The following CHST11 variants were observed in gnomAD, a reference collection of about 807,000 sequenced individuals.
CHST11 encodes carbohydrate sulfotransferase 11.
Under a neutral mutation model 30.4 loss-of-function variants are expected in CHST11, and 9 were observed. The observed-to-expected ratio is 0.30, with a 90% confidence interval of 0.18 to 0.52. The LOEUF (loss-of-function observed/expected upper bound fraction) is 0.52, where lower values mean the gene tolerates loss of function less well. CHST11 is among the 20% of genes least tolerant of loss of function. The pLI, the probability that CHST11 is intolerant of heterozygous loss-of-function variation, is 0.97. For synonymous variants in CHST11, 152 were observed against 187.8 expected (o/e 0.81, Z 1.56); for missense variants, 348 against 460.6 (o/e 0.76, Z 2.24).
intron 2 of CHST11, among the ~76,000 whole-genome samples, chr12:104,622,386 T>C (rs1428139086): frequency 6.6e-6 from 1 of 152,232 alleles, no homozygotes; most frequent in Non-Finnish European, 1.5e-5. Context: ...AATGGTGTTA[T>C]ATTTGTCAAG....
intron 2 of CHST11, among the ~76,000 whole-genome samples, chr12:104,630,686 G>A (rs922555100): frequency 6.6e-5 from 10 of 152,230 alleles, no homozygotes; most frequent in Non-Finnish European, 1.3e-4. Context: ...TTGGATCTAC[G>A]TGGGTGCACG....
At chr12:104,710,625 C>T (rs751473046) in intron 2 of CHST11, among the ~76,000 whole-genome samples, 6 of 152,216 alleles carry the variant, frequency 3.9e-5, no homozygotes, top group Non-Finnish European at 7.3e-5. Flanking sequence ...GGGCCAGCTG[C>T]ACTCCAGCTT....
chr12:104,734,173 C>G (rs2040279994), intron 2 of CHST11, among the ~76,000 whole-genome samples: 1 of 152,212 alleles, frequency 6.6e-6, no homozygotes, highest in African/African-American at 2.4e-5. Context: ...TTTGCTCAGG[C>G]CCAGCCCATG....
chr12:104,670,341 C>A (rs955369127), intron 2 of CHST11, among the ~76,000 whole-genome samples: 3 of 152,178 alleles, frequency 2.0e-5, no homozygotes, highest in Non-Finnish European at 2.9e-5. Context: ...GCACGGCACC[C>A]AGGGCAGGGT....
At position 104,667,795 on chromosome 12, in the gene CHST11, G is replaced by C. The variant is rs759084380; in HGVS notation, c.204+65804G>C. 7.3e-4 allele frequency among the ~76,000 whole-genome samples: 111 copies of C among 152,302 alleles called. 1 individual carries two copies. The highest frequency in any genetic ancestry group is 2.1e-4 in the Non-Finnish European group (14 of 68,034). Reference sequence around the variant, plus strand: ...CTTCTTAGCACCACCTAAGGTCTCTGGTGATGCTGGTTATTGCAGCTGCAC... The same window carrying C: ...CTTCTTAGCACCACCTAAGGTCTCTCGTGATGCTGGTTATTGCAGCTGCAC... On this transcript the variant is annotated intron_variant, in intron 2 of 2. Coordinates refer to ENST00000303694, the MANE Select transcript of CHST11 (RefSeq NM_018413.6).
At chr12:104,717,854 G>A (rs967702994) in intron 2 of CHST11, among the ~76,000 whole-genome samples, 10 of 152,136 alleles carry the variant, frequency 6.6e-5, no homozygotes, top group Non-Finnish European at 1.5e-4. Flanking sequence ...GGAGGCTGAG[G>A]CAGGAGAATC....
At chr12:104,556,388 C>T (rs2038455584) in intron 1 of CHST11, among the ~76,000 whole-genome samples, 2 of 152,056 alleles carry the variant, frequency 1.3e-5, no homozygotes, top group African/African-American at 2.4e-5. Context: ...ATATTAGGTT[C>T]CCAGGGCTGC....
At chr12:104,579,025 C>A (rs1565994471) in intron 1 of CHST11, among the ~76,000 whole-genome samples, 2 of 152,196 alleles carry the variant, frequency 1.3e-5, no homozygotes, top group Non-Finnish European at 2.9e-5. Context: ...TGTCTTTGAC[C>A]AGAAGAAGCC....
chr12:104,465,547 G>GT (rs1358534581), intron 1 of CHST11, among the ~76,000 whole-genome samples: 4 of 152,150 alleles, frequency 2.6e-5, no homozygotes, highest in African/African-American at 9.7e-5. Flanking sequence ...GTGGTTGTTT[G>GT]TTTTTTTGTA....
At chr12:104,575,817 G>A (rs750740253) in intron 1 of CHST11, among the ~76,000 whole-genome samples, 3 of 152,060 alleles carry the variant, frequency 2.0e-5, no homozygotes, top group Non-Finnish European at 4.4e-5. Context: ...TCCTACTTCG[G>A]CAGTGCTCAG....
At chr12:104,546,799 T>TG (rs1445296163) in intron 1 of CHST11, among the ~76,000 whole-genome samples, 1 of 151,978 alleles carries the variant, frequency 6.6e-6, no homozygotes. Flanking sequence ...AAAAGAGAAG[T>TG]GGGGATAGGA....
intron 1 of CHST11, among the ~76,000 whole-genome samples, chr12:104,572,892 G>A (rs888665514): frequency 3.3e-5 from 5 of 152,138 alleles, no homozygotes; most frequent in African/African-American, 1.2e-4. Context: ...GGAAATAAAG[G>A]GTATTCAATT....
intron 2 of CHST11, among the ~76,000 whole-genome samples, chr12:104,645,329 G>A (rs1194645586): frequency 6.6e-6 from 1 of 152,184 alleles, no homozygotes; most frequent in African/African-American, 2.4e-5. Context: ...AATCCTCTGA[G>A]GTGGAATCTG....
At chr12:104,491,769 A>G (rs538048528) in intron 1 of CHST11, among the ~76,000 whole-genome samples, 2 of 152,196 alleles carry the variant, frequency 1.3e-5, no homozygotes, top group Non-Finnish European at 1.5e-5. Context: ...GAGCTACTAT[A>G]CTCGGCCAGT....
intron 1 of CHST11, among the ~76,000 whole-genome samples, chr12:104,576,865 A>C (rs2038687905): frequency 6.6e-6 from 1 of 152,174 alleles, no homozygotes; most frequent in Non-Finnish European, 1.5e-5. Flanking sequence ...ACGTTCCTCC[A>C]ACATTCATGT....
intron 1 of CHST11, among the ~76,000 whole-genome samples, chr12:104,506,473 C>T (rs1014602000): frequency 6.6e-6 from 1 of 152,154 alleles, no homozygotes; most frequent in Non-Finnish European, 1.5e-5. Flanking sequence ...CGGTCCTGCA[C>T]ATTAGAAAGG....
intron 2 of CHST11, among the ~76,000 whole-genome samples, chr12:104,714,551 GTGATGATGATGATGA>G (rs58768319): frequency 6.6e-6 from 1 of 150,846 alleles, no homozygotes; most frequent in African/African-American, 2.5e-5. Flanking sequence ...TGTGGAGGTG[GTGATGATGATGATGA>G]TGATGATGAT....
chr12:104,666,733 AAGG>A lies in CHST11; in HGVS notation c.204+64745_204+64747del, dbSNP rs556749851. ...AGATGGAAGGAAAGGGAAGGGAGAG[AAGG>A]AGAAGCTAGGGAAGTCCTGTGTGGA... On this transcript the variant is annotated intron_variant, in intron 2 of 2. Coordinates refer to ENST00000303694, the MANE Select transcript of CHST11 (RefSeq NM_018413.6). 7.9e-5 allele frequency among the ~76,000 whole-genome samples: 12 copies of A among 152,316 alleles called. No individual in the cohort carries two copies. In the South Asian group the frequency reaches 2.5e-3, roughly 32 times the overall value.
chr12:104,615,006 G>A (rs150205614), intron 2 of CHST11, among the ~76,000 whole-genome samples: 55 of 152,274 alleles, frequency 3.6e-4, no homozygotes, highest in African/African-American at 1.2e-3. Context: ...AAAGTCAACA[G>A]CCCCTGTATC....
Sources: allele counts gnomAD v4.1 joint callset (sites outside exome capture counted in the v4.1 genomes callset), GRCh38; gene constraint gnomAD v4.1.1; transcripts MANE v1.5; gene names NCBI Gene and HGNC (gene_info 2026-07-23, HGNC 2026-07-21).